RNFT2: variants seen among roughly 807,000 people sequenced by gnomAD.
RNFT2 encodes ring finger protein, transmembrane 2, also known as E3 ubiquitin-protein ligase RNFT2.
Under a neutral mutation model 53.0 loss-of-function variants are expected in RNFT2, and 36 were observed. The ratio of observed to expected loss-of-function variants is 0.68; its 90% CI spans 0.52 to 0.90. RNFT2 has a LOEUF of 0.90. Ranked by LOEUF, RNFT2 falls within the 40% of genes least tolerant of loss-of-function variation. RNFT2 has a pLI of 0.00. For missense variants in RNFT2, 514 were observed against 585.6 expected (o/e 0.88, Z 1.26); for synonymous variants, 260 against 253.2 (o/e 1.03, Z -0.26).
chr12:116,789,503 G>A (rs1197482345), intron 7 of RNFT2, among the ~76,000 whole-genome samples: 2 of 149,932 alleles, frequency 1.3e-5, no homozygotes, highest in Non-Finnish European at 3.0e-5. Flanking sequence ...ATGGGTGGAT[G>A]GGTAAATGGG....
intron 10 of RNFT2, among the ~76,000 whole-genome samples, chr12:116,846,607 CTT>C (rs1877629407): frequency 6.6e-6 from 1 of 151,582 alleles, no homozygotes; most frequent in Non-Finnish European, 1.5e-5. Flanking sequence ...TGTGGTTTTG[CTT>C]TTAAAAAAAC....
At chr12:116,832,142 A>ATATATAT (rs1170051785) in intron 7 of RNFT2, among the ~76,000 whole-genome samples, 9 of 61,794 alleles carry the variant, frequency 1.5e-4, no homozygotes, top group Admixed American at 2.2e-4. Flanking sequence ...AAAAAAAAAA[A>ATATATAT]AAAAAAATAT....
intron 7 of RNFT2, among the ~76,000 whole-genome samples, chr12:116,831,209 AAGAG>A (rs1555209607): frequency 9.3e-5 from 14 of 151,242 alleles, no homozygotes; most frequent in Admixed American, 4.6e-4. Context: ...AAAAAAAAAA[AAGAG>A]AGAGAGAGAG....
intron 4 of RNFT2, among the ~76,000 whole-genome samples, chr12:116,753,450 G>T (rs530695988): frequency 6.6e-6 from 1 of 151,956 alleles, no homozygotes; most frequent in Admixed American, 6.6e-5. Flanking sequence ...TGCACCCAGC[G>T]GTGAGTTTTT....
At chr12:116,789,396 A>G (rs62647045) in intron 7 of RNFT2, among the ~76,000 whole-genome samples, 11 of 126,276 alleles carry the variant, frequency 8.7e-5, no homozygotes, top group Non-Finnish European at 1.0e-4. Context: ...TGGATAGATG[A>G]GTGGATGAGT....
chr12:116,851,747 A>G lies in RNFT2; in HGVS notation c.*2299A>G. The G allele has an allele frequency of 1.3e-6, 1 of 747,062 alleles. No homozygotes were observed. Among genetic ancestry groups the G allele is most frequent in the Non-Finnish European group, 2.3e-6 (1 of 429,516 alleles). The allele number at this position is 747,062 out of a possible 1,614,324, so 46.3% of individuals were successfully genotyped here. A position where few individuals can be genotyped will look rare whatever the true frequency, so the allele number is the denominator to read the frequency against. ...CAGAGTGAGTGAGACTCTGTCTAAA[A>G]AAAAAAAGAAAGAAAGAAGGGAGGG... On this transcript the variant is annotated 3_prime_UTR_variant, in exon 11 of 11. Coordinates refer to ENST00000257575, the MANE Select transcript of RNFT2 (RefSeq NM_001382266.1).
At chr12:116,824,154 C>T (rs1364737144) in intron 7 of RNFT2, among the ~76,000 whole-genome samples, 1 of 152,130 alleles carries the variant, frequency 6.6e-6, no homozygotes, top group Non-Finnish European at 1.5e-5. Context: ...CTGGCCAACC[C>T]TCCCCGTCTC....
At chr12:116,803,660 G>A (rs949011969) in intron 7 of RNFT2, among the ~76,000 whole-genome samples, 15 of 152,220 alleles carry the variant, frequency 9.9e-5, no homozygotes, top group African/African-American at 3.4e-4. Flanking sequence ...TCTGCTCCAG[G>A]CAGTCATTTA....
At chr12:116,800,404 G>T (rs376040992) in intron 7 of RNFT2, among the ~76,000 whole-genome samples, 1 of 151,552 alleles carries the variant, frequency 6.6e-6, no homozygotes, top group African/African-American at 2.4e-5. Flanking sequence ...AGGCTGAAGC[G>T]GGCAGATCAC....
chr12:116,833,042 C>T (rs7310759), intron 7 of RNFT2, among the ~76,000 whole-genome samples: 17,050 of 151,688 alleles, frequency 0.11, 1,504 homozygotes, highest in African/African-American at 0.23. Flanking sequence ...CTTGAGTAGC[C>T]TCCGAGTAGC....
chr12:116,841,870 AATATATATATAAATATATATAAAAATAT>A (rs1565876142), intron 10 of RNFT2, among the ~76,000 whole-genome samples: 1 of 25,794 alleles, frequency 3.9e-5, no homozygotes, highest in African/African-American at 1.5e-4. Context: ...TATATATATA[AATATATATATAAATATATATAAAAATAT>A]ATATATATAA....
Position 116,852,377 on chromosome 12 carries a change from T to TTCCCC in RNFT2, c.*2930_*2931insCCCCT, listed in dbSNP as rs2137234399. ...CCCCTGTGTGCCACCAAACCAGGAC[T>TTCCCC]TTCCCCTTGGCTTGGCATCCCTGGC... On this transcript the variant is annotated 3_prime_UTR_variant, in exon 11 of 11. Coordinates refer to ENST00000257575, the MANE Select transcript of RNFT2 (RefSeq NM_001382266.1). The TTCCCC allele has an allele frequency of 1.5e-6, 2 of 1,303,746 alleles. No homozygotes were observed. The highest frequency in any genetic ancestry group is 3.7e-5 in the South Asian group (2 of 54,500). The allele number at this position is 1,303,746 out of a possible 1,614,324, so 80.8% of individuals were successfully genotyped here. A position where few individuals can be genotyped will look rare whatever the true frequency, so the allele number is the denominator to read the frequency against.
At chr12:116,777,249 T>C (rs1301236207) in intron 6 of RNFT2, among the ~76,000 whole-genome samples, 1 of 152,052 alleles carries the variant, frequency 6.6e-6, no homozygotes, top group Non-Finnish European at 1.5e-5. Flanking sequence ...ACCTACTTCA[T>C]AGAGTCTTTG....
At chr12:116,821,242 C>A (rs1876002988) in intron 7 of RNFT2, among the ~76,000 whole-genome samples, 1 of 151,932 alleles carries the variant, frequency 6.6e-6, no homozygotes, top group Admixed American at 6.6e-5. Flanking sequence ...TCCTTCCTTC[C>A]TGTGCTCTTC....
At chr12:116,754,153 T>C (rs1424808949) in intron 5 of RNFT2, 93 bp downstream of exon 5, 5 of 992,028 alleles carry the variant, frequency 5.0e-6, no homozygotes, top group Non-Finnish European at 6.4e-6. Flanking sequence ...CAGAGTTCAT[T>C]GTATCATTCT....
At chr12:116,795,968 G>T (rs920749167) in intron 7 of RNFT2, among the ~76,000 whole-genome samples, 1 of 151,732 alleles carries the variant, frequency 6.6e-6, no homozygotes, top group Non-Finnish European at 1.5e-5. Context: ...GAGTGCAGTG[G>T]TGCAATCTCG....
intron 10 of RNFT2, among the ~76,000 whole-genome samples, chr12:116,840,229 A>T (rs1173867393): frequency 6.6e-6 from 1 of 152,238 alleles, no homozygotes. Context: ...TTTCGTGCTT[A>T]CAAGTTCTTC....
At chr12:116,780,840 A>G (rs998252377) in intron 7 of RNFT2, among the ~76,000 whole-genome samples, 2 of 152,076 alleles carry the variant, frequency 1.3e-5, no homozygotes, top group Non-Finnish European at 2.9e-5. Flanking sequence ...TTGACACTGG[A>G]AAGCAGCATG....
intron 7 of RNFT2, among the ~76,000 whole-genome samples, chr12:116,787,517 G>A (rs1335151515): frequency 1.3e-5 from 2 of 152,080 alleles, no homozygotes; most frequent in African/African-American, 2.4e-5. Flanking sequence ...ACTAGCCTGG[G>A]CAACACAGCA....
Sources: allele counts gnomAD v4.1 joint callset (sites outside exome capture counted in the v4.1 genomes callset), GRCh38; gene constraint gnomAD v4.1.1; transcripts MANE v1.5; gene names NCBI Gene and HGNC (gene_info 2026-07-23, HGNC 2026-07-21).